Variants in MACROD2 observed in about 807,000 individuals in gnomAD.
MACROD2 encodes mono-ADP ribosylhydrolase 2.
MACROD2 carries 36 observed loss-of-function variants against 70.4 expected under a neutral mutation model. That is an observed-to-expected ratio of 0.51 (90% CI 0.39 to 0.68). The LOEUF is 0.68. Ranked by LOEUF, MACROD2 falls within the 30% of genes least tolerant of loss-of-function variation. The pLI is 0.00. For synonymous variants in MACROD2, 172 were observed against 178.8 expected, an observed-to-expected ratio of 0.96 and a Z score of 0.30; for missense variants, 496 against 538.4, an observed-to-expected ratio of 0.92 and a Z score of 0.78.
At chr20:14,204,147 G>A (rs2081503510) in intron 3 of MACROD2, among the ~76,000 whole-genome samples, 1 of 152,170 alleles carries the variant, frequency 6.6e-6, no homozygotes, top group South Asian at 2.1e-4. Flanking sequence ...AGGGGGTGGG[G>A]TTGCTGTCAA....
intron 3 of MACROD2, among the ~76,000 whole-genome samples, chr20:14,145,852 T>G (rs182692332): frequency 1.4e-3 from 217 of 152,346 alleles, no homozygotes; most frequent in Admixed American, 4.8e-3. Flanking sequence ...CTTCTGAAAT[T>G]TGAACAGTTA....
intron 5 of MACROD2, among the ~76,000 whole-genome samples, chr20:15,213,673 A>C (rs2145951775): frequency 6.6e-6 from 1 of 152,238 alleles, no homozygotes; most frequent in Admixed American, 6.5e-5. Flanking sequence ...CCTTGAGTGA[A>C]GTCATTCATC....
chr20:14,944,979 A>G, intron 5 of MACROD2, among the ~76,000 whole-genome samples: 1 of 152,122 alleles, frequency 6.6e-6, no homozygotes, highest in Non-Finnish European at 1.5e-5. Context: ...TGTCTCTTCA[A>G]GTGACTTGGT....
At chr20:15,574,108 A>G (rs2876410) in intron 8 of MACROD2, among the ~76,000 whole-genome samples, 92,200 of 151,952 alleles carry the variant, frequency 0.61, 33,650 homozygotes, top group Non-Finnish European at 0.81. Context: ...AGCATAATTG[A>G]CTACAAAAAA....
chr20:14,241,211 A>T (rs1346781949), intron 3 of MACROD2, among the ~76,000 whole-genome samples: 2 of 152,258 alleles, frequency 1.3e-5, no homozygotes, highest in Non-Finnish European at 2.9e-5. Flanking sequence ...ATTAATAGGT[A>T]TGTGATGCAT....
intron 5 of MACROD2, among the ~76,000 whole-genome samples, chr20:14,986,227 C>G (rs541933027): frequency 6.6e-6 from 1 of 152,210 alleles, no homozygotes; most frequent in South Asian, 2.1e-4. Flanking sequence ...GTTTTGATTT[C>G]AGGAAGAAAT....
chr20:14,519,279 A>G (rs2085138242), intron 4 of MACROD2, among the ~76,000 whole-genome samples: 4 of 152,138 alleles, frequency 2.6e-5, no homozygotes, highest in Admixed American at 1.3e-4. Context: ...CAGAAAAACC[A>G]GTTCTGCTGC....
intron 4 of MACROD2, among the ~76,000 whole-genome samples, chr20:14,546,994 T>C (rs1320767038): frequency 6.6e-6 from 1 of 152,142 alleles, no homozygotes; most frequent in Non-Finnish European, 1.5e-5. Context: ...CATAAAAATA[T>C]CATCCTACTT....
chr20:14,076,787 C>T (rs575659323), intron 2 of MACROD2, among the ~76,000 whole-genome samples: 5 of 152,004 alleles, frequency 3.3e-5, no homozygotes, highest in South Asian at 4.2e-4. Context: ...GACTTGTCAG[C>T]GTTAAGTATA....
At chr20:15,097,670 C>A (rs1326987141) in intron 5 of MACROD2, among the ~76,000 whole-genome samples, 4 of 152,044 alleles carry the variant, frequency 2.6e-5, no homozygotes, top group Non-Finnish European at 4.4e-5. Flanking sequence ...TGAACAAGTA[C>A]AACAAAAATA....
Position 14,443,599 on chromosome 20 carries a change from A to C in MACROD2, c.272-49880A>C, listed in dbSNP as rs925930626. ...GGCATGAGCCACTGCGCCCAGCCTG[A>C]TGTATGCTATTATATGCCAAAATGG... On this transcript the variant is annotated intron_variant, in intron 3 of 17. Coordinates refer to ENST00000684519, the MANE Select transcript of MACROD2 (RefSeq NM_001351661.2). 7.2e-5 allele frequency among the ~76,000 whole-genome samples: 11 copies of C among 152,018 alleles called. 1 individual carries two copies. Among genetic ancestry groups the C allele is most frequent in the African/African-American group, 2.4e-4 (10 of 41,352 alleles).
At chr20:15,087,742 A>G (rs1419513176) in intron 5 of MACROD2, among the ~76,000 whole-genome samples, 1 of 152,058 alleles carries the variant, frequency 6.6e-6, no homozygotes. Context: ...GTCAATATAA[A>G]CAAAATTAAA....
intron 5 of MACROD2, among the ~76,000 whole-genome samples, chr20:15,048,121 A>AAATAAATAAATAAATAAATAAATAAAT (rs562714078): frequency 0.048 from 7,127 of 149,624 alleles, 253 homozygotes; most frequent in Non-Finnish European, 0.069. Flanking sequence ...AATAAATAAT[A>AAATAAATAAATAAATAAATAAATAAAT]AAAAATTAGC....
chr20:14,975,717 C>T (rs2074733477), intron 5 of MACROD2, among the ~76,000 whole-genome samples: 1 of 152,004 alleles, frequency 6.6e-6, no homozygotes, highest in South Asian at 2.1e-4. Flanking sequence ...TTATGATCCC[C>T]ATTAGCAGGT....
At chr20:14,250,331 C>T (rs895683212) in intron 3 of MACROD2, among the ~76,000 whole-genome samples, 29 of 152,174 alleles carry the variant, frequency 1.9e-4, no homozygotes, top group African/African-American at 7.0e-4. Context: ...TCCCCACCCC[C>T]AGCCTGCTCA....
chr20:14,141,723 C>T (rs1259029061), intron 3 of MACROD2, among the ~76,000 whole-genome samples: 1 of 98,210 alleles, frequency 1.0e-5, no homozygotes, highest in Non-Finnish European at 1.8e-5. Context: ...CCAGCCTGGG[C>T]AACAATAGCA....
At chr20:15,112,051 A>C (rs1279548166) in intron 5 of MACROD2, among the ~76,000 whole-genome samples, 1 of 152,180 alleles carries the variant, frequency 6.6e-6, no homozygotes, top group East Asian at 1.9e-4. Context: ...AAACCTGATA[A>C]ATACCACCCC....
intron 5 of MACROD2, among the ~76,000 whole-genome samples, chr20:15,162,509 T>G (rs1168919946): frequency 1.3e-5 from 2 of 152,054 alleles, no homozygotes; most frequent in East Asian, 3.8e-4. Context: ...AAATGGAAAA[T>G]GAAAGTAGAA....
intron 6 of MACROD2, among the ~76,000 whole-genome samples, chr20:15,293,049 C>T (rs2077555378): frequency 2.6e-5 from 4 of 152,150 alleles, no homozygotes; most frequent in African/African-American, 4.8e-5. Context: ...CTTCTTGAAG[C>T]AGTGTGTTCC....
Sources: gnomAD v4.1 joint callset for allele counts (sites outside exome capture counted in the v4.1 genomes callset) on GRCh38, gnomAD v4.1.1 for gene constraint, MANE v1.5 for transcripts, NCBI Gene and HGNC (gene_info 2026-07-23, HGNC 2026-07-21) for gene names.